RYR2: variants seen among roughly 807,000 people sequenced by gnomAD.
RYR2 encodes ryanodine receptor 2.
Under a neutral mutation model 601.1 loss-of-function variants are expected in RYR2, and 227 were observed. The observed-to-expected ratio is 0.38, with a 90% CI of 0.34 to 0.42. The LOEUF (loss-of-function observed/expected upper bound fraction) is 0.42, where lower values mean the gene tolerates loss of function less well. Ranked by LOEUF, RYR2 falls within the 10% of genes least tolerant of loss-of-function variation. The pLI is 1.00. For synonymous variants in RYR2, 2,223 were observed against 2,175.1 expected (o/e 1.02, Z -0.61); for missense variants, 4,646 against 6,156.5 (o/e 0.75, Z 8.21).
rs1670046069 is a variant in RYR2 at position 237,548,454 on chromosome 1, A to T, written c.2930A>T (p.Lys977Met). The T allele has an allele frequency of 1.2e-6, 2 of 1,613,976 alleles. No homozygotes were observed. Among genetic ancestry groups the T allele is most frequent in the Non-Finnish European group, 1.7e-6 (2 of 1,179,878 alleles). The change falls in exon 26 of 105, where the codon AAG becomes ATG. Residue 977 changes from lysine to methionine, a missense_variant. By Grantham distance (95) the Lys-to-Met change is moderately conservative. This residue lies in a region of RYR2 where 1,807 missense variants were observed against 2,088.1 expected (regional missense o/e 0.87). Transcript: ENST00000366574. ...PKNYQLTSGY[K>M]PAPMDLSFIK... ...AGTTACCAGCTGACAAGTGGATACA[A>T]GCCTGCCCCTATGGACCTGAGCTTT... is the stretch of plus-strand genomic sequence containing the variant.
chr1:237,319,799 G>T (rs1264768139), intron 2 of RYR2, among the ~76,000 whole-genome samples: 1 of 152,162 alleles, frequency 6.6e-6, no homozygotes, highest in South Asian at 2.1e-4. Flanking sequence ...TCTTGTGCAT[G>T]TGCAACTTCA....
chr1:237,375,285 T>C (rs189932281), intron 7 of RYR2, among the ~76,000 whole-genome samples: 8 of 152,328 alleles, frequency 5.3e-5, no homozygotes, highest in Non-Finnish European at 1.2e-4. Flanking sequence ...AACAAAAATG[T>C]ATATATTAAC....
At chr1:237,274,678 A>G (rs1235564131) in intron 2 of RYR2, among the ~76,000 whole-genome samples, 1 of 152,082 alleles carries the variant, frequency 6.6e-6, no homozygotes, top group Non-Finnish European at 1.5e-5. Flanking sequence ...CTTCACATTC[A>G]CCCACCACTC....
At chr1:237,137,702 CTT>C (rs931906384) in intron 1 of RYR2, among the ~76,000 whole-genome samples, 5 of 152,274 alleles carry the variant, frequency 3.3e-5, no homozygotes, top group Middle Eastern at 3.4e-3. Context: ...TAATTCTACT[CTT>C]TATTTGTCAT....
intron 74 of RYR2, among the ~76,000 whole-genome samples, chr1:237,724,211 A>G (rs1418035869): frequency 8.4e-6 from 1 of 118,412 alleles, no homozygotes; most frequent in African/African-American, 2.8e-5. Context: ...ATATATATAT[A>G]TATATATGTA....
In RYR2 at chr1:237,565,973, T is replaced by C. The variant is rs532245596; in HGVS notation, c.3215-594T>C. Among the ~76,000 whole-genome samples the C allele has an allele frequency of 1.8e-4, 27 of 152,360 alleles. No individual in the cohort carries two copies. In the South Asian group the frequency reaches 4.3e-3, roughly 25 times the overall value. On this transcript the variant is annotated intron_variant, in intron 27 of 104. Coordinates refer to ENST00000366574, the MANE Select transcript of RYR2 (RefSeq NM_001035.3). ...CTTTTAAATACAGCATTTGTATGTA[T>C]AGCAGATCACAGTGAAGATGTATGC... is the stretch of plus-strand genomic sequence containing the variant.
chr1:237,127,890 C>T (rs1308581217), intron 1 of RYR2, among the ~76,000 whole-genome samples: 1 of 151,744 alleles, frequency 6.6e-6, no homozygotes, highest in Non-Finnish European at 1.5e-5. Context: ...AGACGCTCCT[C>T]ACTTTCCAGA....
rs1402237235 is a variant in RYR2, at chr1:237,180,680, GTGTATATA to G, written c.49-89807_49-89800del. 7.9e-6 allele frequency among the ~76,000 whole-genome samples: 1 copy of G among 126,148 alleles called. No individual in the cohort carries two copies. The highest frequency in any genetic ancestry group is 2.7e-4 in the East Asian group (1 of 3,714). 82.8% of individuals were successfully genotyped at this position (126,148 alleles called of 152,430 possible). ...TATATATGTATACATGTGTATATAT[GTGTATATA>G]TGTATATATAAGTATATATACACAT... On this transcript the variant is annotated intron_variant, in intron 1 of 104. Transcript: ENST00000366574. This position sits in a 1 kb window ranked among gnomAD's most constrained non-coding sequence, Gnocchi z 5.3.
At chr1:237,733,427 T>C (rs1690866178) in intron 78 of RYR2, among the ~76,000 whole-genome samples, 1 of 152,200 alleles carries the variant, frequency 6.6e-6, no homozygotes, top group Admixed American at 6.6e-5. Context: ...TTAAAATTAT[T>C]ACATTTGTGT....
chr1:237,481,117 TATATATATAC>T (rs1662032603), intron 17 of RYR2, among the ~76,000 whole-genome samples: 1 of 135,880 alleles, frequency 7.4e-6, no homozygotes, highest in Admixed American at 7.1e-5. Flanking sequence ...CATATATATA[TATATATATAC>T]ACACACATAT....
intron 1 of RYR2, among the ~76,000 whole-genome samples, chr1:237,053,463 C>T (rs527804994): frequency 2.2e-4 from 34 of 152,256 alleles, no homozygotes; most frequent in South Asian, 4.2e-4. Flanking sequence ...GTCCTGCTCC[C>T]GTCATGAAGA....
At position 237,468,360 on chromosome 1, in the gene RYR2, T is replaced by C. The variant is rs566848845; in HGVS notation, c.1613-732T>C. ...AAAATTAAAAGTTTAAAAGTGAGTGTATAAACTAGGCTGAAAGAAACCAGA... is the reference window on the plus strand; with the variant it reads ...AAAATTAAAAGTTTAAAAGTGAGTGCATAAACTAGGCTGAAAGAAACCAGA... On this transcript the variant is annotated intron_variant, in intron 16 of 104. Transcript: ENST00000366574. 2.6e-5 allele frequency among the ~76,000 whole-genome samples: 4 copies of C among 152,326 alleles called. No individual in the cohort carries two copies. In the South Asian group the frequency reaches 8.3e-4, roughly 32 times the overall value.
intron 1 of RYR2, among the ~76,000 whole-genome samples, chr1:237,193,165 T>TGCAAAAAAAAAAAAAA (rs1402978522): frequency 0.044 from 118 of 2,708 alleles, 3 homozygotes; most frequent in African/African-American, 0.069. Context: ...CTGCTAAAAG[T>TGCAAAAAAAAAAAAAA]ACAAAAAAAA....
chr1:237,700,647 A>G (rs1263733991), intron 65 of RYR2, among the ~76,000 whole-genome samples, 180 bp downstream of exon 65: 1 of 152,216 alleles, frequency 6.6e-6, no homozygotes, highest in Non-Finnish European at 1.5e-5. Context: ...TTACAGAAAT[A>G]GATCTCTGAA....
intron 24 of RYR2, among the ~76,000 whole-genome samples, chr1:237,515,036 AT>A (rs1666278519): frequency 1.3e-5 from 2 of 152,158 alleles, no homozygotes; most frequent in Non-Finnish European, 2.9e-5. Flanking sequence ...TGAAATATGA[AT>A]TTTGGGTGCT....
At chr1:237,220,614 A>G (rs1016135967) in intron 1 of RYR2, among the ~76,000 whole-genome samples, 2 of 152,060 alleles carry the variant, frequency 1.3e-5, no homozygotes, top group Admixed American at 1.3e-4. Flanking sequence ...TGACTGATAC[A>G]CCTACGTTTC....
At chr1:237,825,773 T>C (rs1663019357) in intron 101 of RYR2, among the ~76,000 whole-genome samples, 1 of 152,176 alleles carries the variant, frequency 6.6e-6, no homozygotes, top group Non-Finnish European at 1.5e-5. Flanking sequence ...ATCCATCTGA[T>C]ATACAGCTAA....
At chr1:237,093,394 T>C (rs907499236) in intron 1 of RYR2, among the ~76,000 whole-genome samples, 1 of 152,140 alleles carries the variant, frequency 6.6e-6, no homozygotes, top group African/African-American at 2.4e-5. Context: ...AGATGATTTA[T>C]TCATGACATG....
chr1:237,420,648 A>C (rs894182927), intron 11 of RYR2, among the ~76,000 whole-genome samples: 1 of 152,174 alleles, frequency 6.6e-6, no homozygotes, highest in African/African-American at 2.4e-5. Flanking sequence ...GGCCACATTC[A>C]TTCCATTTCT....
Sources: allele counts gnomAD v4.1 joint callset (sites outside exome capture counted in the v4.1 genomes callset), GRCh38; gene constraint gnomAD v4.1.1; regional missense constraint gnomAD v4.1.1; non-coding constraint Gnocchi (gnomAD v3.1); transcripts MANE v1.5; gene names NCBI Gene and HGNC (gene_info 2026-07-23, HGNC 2026-07-21).